Variants in SMARCAD1 observed in about 807,000 individuals in gnomAD.
SMARCAD1 encodes SNF2 related chromatin remodeling ATPase with DExD box 1.
Under a neutral mutation model 127.1 loss-of-function variants are expected in SMARCAD1, and 25 were observed. The ratio of observed to expected loss-of-function variants is 0.20; its 90% CI spans 0.14 to 0.27. The LOEUF is 0.27. Ranked by LOEUF, SMARCAD1 falls within the 10% of genes least tolerant of loss-of-function variation. The pLI is 1.00. For synonymous variants in SMARCAD1, 400 were observed against 396.9 expected, an observed-to-expected ratio of 1.01 and a Z score of -0.09; for missense variants, 807 against 1,206.0, an observed-to-expected ratio of 0.67 and a Z score of 4.90.
intron 6 of SMARCAD1, among the ~76,000 whole-genome samples, chr4:94,243,530 T>A (rs1747933765): frequency 6.6e-6 from 1 of 152,202 alleles, no homozygotes; most frequent in South Asian, 2.1e-4. Context: ...TTATCAGGAT[T>A]TATTGTCAAG....
At chr4:94,258,849 A>G (rs1278952491) in intron 9 of SMARCAD1, among the ~76,000 whole-genome samples, 1 of 152,216 alleles carries the variant, frequency 6.6e-6, no homozygotes, top group Non-Finnish European at 1.5e-5. Flanking sequence ...ATTCACAATA[A>G]TTTGCATTGC....
Position 94,280,597 on chromosome 4 carries a change from T to C in SMARCAD1, c.2424T>C (p.Pro808=). 1 of 1,612,608 alleles carries C rather than the reference T, an allele frequency of 6.2e-7. No individual in the cohort carries two copies. Among genetic ancestry groups the C allele is most frequent in the Non-Finnish European group, 8.5e-7 (1 of 1,179,048 alleles). ...GTGTTTTGTTTTGTTTTAAGGAACC[T>C]ACACATTGTGAGGCTAACCCTGACC... ...KEMSQLMLKE[P]THCEANPDLI... The change falls in exon 20 of 24, where the codon CCT becomes CCC. Residue 808 remains proline (P), a synonymous_variant. Transcript: ENST00000354268.
At chr4:94,281,928 A>G (rs898025438) in intron 21 of SMARCAD1, among the ~76,000 whole-genome samples, 2 of 151,374 alleles carry the variant, frequency 1.3e-5, no homozygotes, top group Non-Finnish European at 2.9e-5. Context: ...TGTGGTCCCA[A>G]CTAGGGAGGC....
chr4:94,279,476 TG>T (rs1753720780), intron 19 of SMARCAD1, among the ~76,000 whole-genome samples: 1 of 152,198 alleles, frequency 6.6e-6, no homozygotes, highest in Non-Finnish European at 1.5e-5. Flanking sequence ...CAAAATGATC[TG>T]GGGGACATAA....
At chr4:94,289,395 GA>G in intron 23 of SMARCAD1, 77 bp from the exon 24 acceptor site, 11 of 1,321,738 alleles carry the variant, frequency 8.3e-6, no homozygotes, top group African/African-American at 1.5e-5. Context: ...ATTCACCAAA[GA>G]AAAAAAATAA....
At chr4:94,249,187 C>G (rs558203207) in intron 6 of SMARCAD1, among the ~76,000 whole-genome samples, 1 of 152,086 alleles carries the variant, frequency 6.6e-6, no homozygotes, top group South Asian at 2.1e-4. Flanking sequence ...TGTGACTGAA[C>G]AATTAATATT....
chr4:94,256,550 A>G (rs1290541066), intron 9 of SMARCAD1, among the ~76,000 whole-genome samples: 4 of 152,038 alleles, frequency 2.6e-5, no homozygotes, highest in Non-Finnish European at 5.9e-5. Context: ...TTTAGTAGAG[A>G]TGGAGTTTCA....
At chr4:94,287,018 C>T (rs1755037271) in intron 23 of SMARCAD1, among the ~76,000 whole-genome samples, 1 of 152,196 alleles carries the variant, frequency 6.6e-6, no homozygotes, top group African/African-American at 2.4e-5. Context: ...GTGCCCGCCT[C>T]CATGCCCAGC....
chr4:94,227,248 G>A (rs1389444307), intron 3 of SMARCAD1, among the ~76,000 whole-genome samples: 1 of 152,084 alleles, frequency 6.6e-6, no homozygotes, highest in Non-Finnish European at 1.5e-5. Flanking sequence ...AAGCCATAGT[G>A]TAAAGGATGA....
intron 22 of SMARCAD1, among the ~76,000 whole-genome samples, chr4:94,283,924 A>C (rs962662400): frequency 3.3e-5 from 5 of 152,196 alleles, no homozygotes; most frequent in Non-Finnish European, 7.3e-5. Flanking sequence ...AAACTTGGTA[A>C]TATACAAACT....
At chr4:94,210,139 T>G (rs758468735) in intron 2 of SMARCAD1, among the ~76,000 whole-genome samples, 3 of 152,232 alleles carry the variant, frequency 2.0e-5, no homozygotes, top group Non-Finnish European at 4.4e-5. Context: ...TTTTTATTTC[T>G]TTCTAATGAT....
At chr4:94,257,216 T>A (rs1196085010) in intron 9 of SMARCAD1, among the ~76,000 whole-genome samples, 1 of 152,214 alleles carries the variant, frequency 6.6e-6, no homozygotes, top group South Asian at 2.1e-4. Context: ...AAAAAAGATT[T>A]ATCATTTTTT....
chr4:94,241,086 C>A, intron 6 of SMARCAD1, 80 bp downstream of exon 6: 1 of 923,860 alleles, frequency 1.1e-6, no homozygotes, highest in South Asian at 1.4e-5. Flanking sequence ...ATTATTAGAC[C>A]TGAAAATCCA....
chr4:94,264,974 G>A, intron 10 of SMARCAD1, 68 bp downstream of exon 10: 1 of 1,474,058 alleles, frequency 6.8e-7, no homozygotes, highest in Non-Finnish European at 9.3e-7. Context: ...ATTTATTTCT[G>A]TATCGTGCCT....
chr4:94,228,133 C>T (rs1233138914), intron 3 of SMARCAD1, among the ~76,000 whole-genome samples: 1 of 152,146 alleles, frequency 6.6e-6, no homozygotes, highest in Non-Finnish European at 1.5e-5. Flanking sequence ...GAACTTTTCA[C>T]ATGAAGCTGT....
At chr4:94,272,523 G>A (rs1198326146) in intron 11 of SMARCAD1, among the ~76,000 whole-genome samples, 1 of 152,096 alleles carries the variant, frequency 6.6e-6, no homozygotes, top group East Asian at 1.9e-4. Flanking sequence ...CTTTTTTCCA[G>A]TTACTGCTAC....
At chr4:94,233,801 GA>G (rs1334641361) in intron 3 of SMARCAD1, among the ~76,000 whole-genome samples, 152 bp from the exon 4 acceptor site, 3 of 151,398 alleles carry the variant, frequency 2.0e-5, no homozygotes, top group Admixed American at 6.6e-5. Flanking sequence ...CACTGAAATG[GA>G]AAAAAAAGGT....
At chr4:94,214,265 GTT>G (rs11418046) in intron 2 of SMARCAD1, among the ~76,000 whole-genome samples, 61,285 of 131,312 alleles carry the variant, frequency 0.47, 13,395 homozygotes, top group East Asian at 0.69. Flanking sequence ...GCGTTCTTTT[GTT>G]TTTTTTTTTT....
chr4:94,240,808 C>G, intron 5 of SMARCAD1, 98 bp from the exon 6 acceptor site: 2 of 804,434 alleles, frequency 2.5e-6, no homozygotes, highest in South Asian at 2.9e-5. Context: ...AGAGAACTGT[C>G]TAGTATTCAT....
Sources: gnomAD v4.1 joint callset for allele counts (sites outside exome capture counted in the v4.1 genomes callset) on GRCh38, gnomAD v4.1.1 for gene constraint, MANE v1.5 for transcripts, NCBI Gene and HGNC (gene_info 2026-07-23, HGNC 2026-07-21) for gene names.